GRM7: variants seen among roughly 807,000 people sequenced by gnomAD.
GRM7 encodes the protein metabotropic glutamate receptor 7.
GRM7 carries 35 observed loss-of-function variants against 84.5 expected under a neutral mutation model. That is an observed-to-expected ratio of 0.41 (90% CI 0.32 to 0.55). The LOEUF (loss-of-function observed/expected upper bound fraction) is 0.55, where lower values mean the gene tolerates loss of function less well. GRM7 is among the 20% of genes least tolerant of loss of function. The probability of loss-of-function intolerance (pLI) is 0.19; values close to 1 mark genes in which losing one functional copy is unlikely to be tolerated. For synonymous variants in GRM7, 487 were observed against 455.1 expected, an observed-to-expected ratio of 1.07 and a Z score of -0.89; for missense variants, 1,003 against 1,194.6, an observed-to-expected ratio of 0.84 and a Z score of 2.36.
intron 7 of GRM7, among the ~76,000 whole-genome samples, chr3:7,498,374 C>T (rs980471369): frequency 3.9e-5 from 6 of 152,130 alleles, no homozygotes; most frequent in Non-Finnish European, 5.9e-5. Flanking sequence ...TTTTAAAAGC[C>T]GATTGTGCCA....
chr3:7,161,530 T>C (rs1694625171), intron 2 of GRM7, among the ~76,000 whole-genome samples: 1 of 152,150 alleles, frequency 6.6e-6, no homozygotes, highest in Admixed American at 6.6e-5. Context: ...GAAGGCTTTT[T>C]TGAGAAACAA....
chr3:7,121,539 G>A (rs546897875), intron 1 of GRM7, among the ~76,000 whole-genome samples: 84 of 152,152 alleles, frequency 5.5e-4, no homozygotes, highest in Non-Finnish European at 1.0e-3. Context: ...AAATTCCACC[G>A]TAGATTCTTA....
chr3:7,181,189 T>A (rs556325563), intron 2 of GRM7, among the ~76,000 whole-genome samples: 64 of 152,310 alleles, frequency 4.2e-4, no homozygotes, highest in Middle Eastern at 3.4e-3. Context: ...ATTACCCTTC[T>A]CTTCTTTCCA....
chr3:7,558,701 T>A (rs1018586475), intron 7 of GRM7, among the ~76,000 whole-genome samples: 1 of 152,166 alleles, frequency 6.6e-6, no homozygotes, highest in East Asian at 1.9e-4. Flanking sequence ...TAAACTCTTA[T>A]CATTTTCAAG....
At chr3:7,353,855 A>G (rs1004421805) in intron 4 of GRM7, among the ~76,000 whole-genome samples, 3 of 152,160 alleles carry the variant, frequency 2.0e-5, no homozygotes, top group African/African-American at 7.2e-5. Flanking sequence ...AATGGACAGC[A>G]GAGGCAAAGC....
chr3:7,612,275 G>A (rs1696882654), intron 8 of GRM7, among the ~76,000 whole-genome samples: 1 of 152,138 alleles, frequency 6.6e-6, no homozygotes, highest in Non-Finnish European at 1.5e-5. Context: ...TATAAGATAG[G>A]TGTGGCAACA....
intron 7 of GRM7, among the ~76,000 whole-genome samples, chr3:7,483,118 T>A (rs566547162): frequency 1.3e-5 from 2 of 152,320 alleles, no homozygotes; most frequent in South Asian, 4.2e-4. Flanking sequence ...CAATGGATAT[T>A]CATTGAACAA....
intron 4 of GRM7, among the ~76,000 whole-genome samples, chr3:7,354,961 G>C (rs1693327110): frequency 6.6e-6 from 1 of 152,144 alleles, no homozygotes; most frequent in South Asian, 2.1e-4. Flanking sequence ...CGGGGATCTT[G>C]ATTGCTTTTC....
intron 1 of GRM7, among the ~76,000 whole-genome samples, chr3:6,996,928 A>G (rs542752749): frequency 2.7e-4 from 41 of 152,314 alleles, no homozygotes; most frequent in African/African-American, 9.9e-4. Flanking sequence ...CATCCATGCA[A>G]TTCCCTGTCC....
intron 6 of GRM7, among the ~76,000 whole-genome samples, chr3:7,458,548 G>A (rs567807492): frequency 3.9e-5 from 6 of 152,186 alleles, no homozygotes; most frequent in Non-Finnish European, 8.8e-5. Context: ...CTTAGATAAA[G>A]TATGCAGCTC....
intron 7 of GRM7, among the ~76,000 whole-genome samples, chr3:7,571,716 G>T (rs1694671428): frequency 6.6e-6 from 1 of 152,038 alleles, no homozygotes; most frequent in Admixed American, 6.5e-5. Flanking sequence ...ACATTTTCAG[G>T]TATCTTTTCA....
At chr3:7,663,234 G>C (rs1203664559) in intron 8 of GRM7, among the ~76,000 whole-genome samples, 4 of 152,128 alleles carry the variant, frequency 2.6e-5, no homozygotes, top group Non-Finnish European at 5.9e-5. Context: ...GTTGGGCTGG[G>C]ATGCAGACTC....
intron 7 of GRM7, among the ~76,000 whole-genome samples, chr3:7,473,485 A>AGAGG (rs1197458225): frequency 1.9e-5 from 2 of 103,170 alleles, no homozygotes; most frequent in African/African-American, 4.0e-5. Flanking sequence ...CTTAAAAACG[A>AGAGG]GAGGGAGAGA....
At chr3:7,125,891 T>C (rs1484789684) in intron 1 of GRM7, among the ~76,000 whole-genome samples, 3 of 152,198 alleles carry the variant, frequency 2.0e-5, no homozygotes, top group Non-Finnish European at 2.9e-5. Context: ...CCTGAGTGTC[T>C]ATTTTGAGGG....
chr3:7,296,097 T>C (rs529345176), intron 2 of GRM7, among the ~76,000 whole-genome samples: 42 of 151,970 alleles, frequency 2.8e-4, no homozygotes, highest in African/African-American at 9.4e-4. Flanking sequence ...AATATATATA[T>C]ATAGAGAGAG....
intron 1 of GRM7, among the ~76,000 whole-genome samples, chr3:6,974,205 G>A (rs1693891377): frequency 1.3e-5 from 2 of 152,158 alleles, no homozygotes; most frequent in African/African-American, 2.4e-5. Context: ...TGGCATATAT[G>A]GAAAAAGCCG....
At chr3:7,415,261 G>T in intron 5 of GRM7, 98 bp downstream of exon 5, 2 of 1,034,528 alleles carry the variant, frequency 1.9e-6, no homozygotes, top group Non-Finnish European at 2.9e-6. Context: ...GAGACAAATT[G>T]AAAAAGTAAA....
rs569371388 is a variant in GRM7 at position 7,267,545 on chromosome 3, C to T, written c.737-31139C>T. 1.2e-3 allele frequency among the ~76,000 whole-genome samples: 176 copies of T among 152,214 alleles called. 1 individual carries two copies. The highest frequency in any genetic ancestry group is 4.1e-3 in the African/African-American group (171 of 41,552). The stretch of plus-strand genomic sequence containing the variant: ...CAGAGTAGAGGTTTTACTGAAACAC[C>T]GGGGGTTGGGTCTAGGTCCTGCTGC... On this transcript the variant is annotated intron_variant, in intron 2 of 9. Coordinates refer to ENST00000357716, the MANE Select transcript of GRM7 (RefSeq NM_000844.4).
intron 8 of GRM7, among the ~76,000 whole-genome samples, chr3:7,580,382 G>A (rs1031182287): frequency 8.5e-5 from 13 of 152,076 alleles, no homozygotes; most frequent in African/African-American, 2.2e-4. Context: ...CTGATTCCAC[G>A]TTACTTTGGA....
Sources: allele counts gnomAD v4.1 joint callset (sites outside exome capture counted in the v4.1 genomes callset), GRCh38; gene constraint gnomAD v4.1.1; transcripts MANE v1.5; gene names NCBI Gene and HGNC (gene_info 2026-07-23, HGNC 2026-07-21).